The following POLRMT variants were observed in gnomAD, a reference collection of about 807,000 sequenced individuals.
POLRMT encodes the protein DNA-directed RNA polymerase, mitochondrial.
In POLRMT, 114 loss-of-function variants were observed where a neutral mutation model predicts 132.2. The observed-to-expected ratio is 0.86, with a 90% CI of 0.74 to 1.01. POLRMT has a LOEUF of 1.01. POLRMT is among the 50% of genes least tolerant of loss of function. The pLI is 0.00. For synonymous variants in POLRMT, 1,020 were observed against 773.4 expected, an observed-to-expected ratio of 1.32 and a Z score of -5.29; for missense variants, 2,003 against 1,729.1, an observed-to-expected ratio of 1.16 and a Z score of -2.81.
At chr19:628,071 C>T (rs928104164) in intron 3 of POLRMT, among the ~76,000 whole-genome samples, 3 of 152,000 alleles carry the variant, frequency 2.0e-5, no homozygotes, top group African/African-American at 4.8e-5. Flanking sequence ...AGGCTGAGCT[C>T]GCAGTCCAGC....
At chr19:620,337 C>T (rs1405729865) in intron 11 of POLRMT, 28 bp downstream of exon 11, 1 of 1,545,376 alleles carries the variant, frequency 6.5e-7, no homozygotes, top group Admixed American at 2.0e-5. Context: ...CACTGCACGG[C>T]CTCGGGGGCC....
chr19:619,973 G>C lies in POLRMT; in HGVS notation c.2871C>G (p.Ser957Arg). ...EPSDVPQDVY[S>R]GVAAQVEVFR... is the part of the protein sequence containing the mutation. ...CACACCCTACCTGCGCGGCCACGCC[G>C]CTGTACACGTCCTGCGGCACATCCG... Residue 957 changes from serine to arginine, a missense_variant, in exon 12 of 21, where the codon AGC (serine) becomes AGG (arginine). By Grantham distance (110) the Ser-to-Arg change is moderately radical (BLOSUM62 -1). Transcript: ENST00000588649. 1 of 1,598,172 alleles carries C rather than the reference G, an allele frequency of 6.3e-7. No homozygotes were observed. The highest frequency in any genetic ancestry group is 8.5e-7 in the Non-Finnish European group (1 of 1,176,488).
chr19:622,624 G>T lies in POLRMT; in HGVS notation c.1584C>A (p.Asn528Lys). 2 of 1,607,598 alleles carry T rather than the reference G, an allele frequency of 1.2e-6. No individual in the cohort carries two copies. Among genetic ancestry groups the T allele is most frequent in the Non-Finnish European group, 1.7e-6 (2 of 1,178,494 alleles). Reference sequence around the variant, plus strand: ...GCAAGCAGAGGTACTTCCTGTAGTGGTTCTGCAGCGCCTGCACCTGGCCAC... The same window carrying T: ...GCAAGCAGAGGTACTTCCTGTAGTGTTTCTGCAGCGCCTGCACCTGGCCAC... ...RVSGQVQALQ[N>K]HYRKYLCLLA... Residue 528 changes from asparagine (N) to lysine (K), a missense_variant, in exon 8 of 21, where the codon AAC becomes AAA. Physicochemically the swap from Asn to Lys is moderately conservative, Grantham distance 94 (BLOSUM62 0). Coordinates refer to ENST00000588649, the MANE Select transcript of POLRMT (RefSeq NM_005035.4).
rs753002965 is a variant in POLRMT at position 617,831 on chromosome 19, G to A, written c.3441C>T (p.Val1147=). 2.4e-5 allele frequency: 38 copies of A among 1,613,160 alleles called. No individual in the cohort carries two copies. The highest frequency in any genetic ancestry group is 2.8e-5 in the Non-Finnish European group (33 of 1,179,930). The change falls in exon 18 of 21, where the codon GTC becomes GTT. Residue 1147 remains valine (V), a synonymous_variant. Coordinates refer to ENST00000588649, the MANE Select transcript of POLRMT (RefSeq NM_005035.4). ...GAGTCCAGTAACAGTCGTGCACAGA[G>A]ACGAAGGTCAGGCCCTTCCTGTGGC... The part of the protein sequence containing the change: ...LHCYRKGLTF[V]SVHDCYWTHA...
chr19:621,661 C>T lies in POLRMT; in HGVS notation c.2037G>A (p.Gln679=), dbSNP rs763421577. 6 of 1,542,898 alleles carry T rather than the reference C, an allele frequency of 3.9e-6. No individual in the cohort carries two copies. The South Asian group carries it at 4.8e-5, about 12-fold the overall frequency. The change falls in exon 10 of 21, where the codon CAG becomes CAA. Residue 679 remains glutamine (Q), a synonymous_variant. Coordinates refer to ENST00000588649, the MANE Select transcript of POLRMT (RefSeq NM_005035.4). ...GGCAGGTTTCCAGCAGCTCCTGGTG[C>T]TGCGTGGCGCCTTCCACCGTGCGCA... is the stretch of plus-strand genomic sequence containing the variant. ...KLMRTVEGAT[Q]HQELLETCPP...
At position 623,556 on chromosome 19, in the gene POLRMT, C is replaced by A. The variant is rs377403729; in HGVS notation, c.1188G>T (p.Leu396=). 2 of 1,613,732 alleles carry A rather than the reference C, an allele frequency of 1.2e-6. No individual in the cohort carries two copies. The highest frequency in any genetic ancestry group is 1.7e-6 in the Non-Finnish European group (2 of 1,179,994). Reference sequence around the variant, plus strand: ...GGAGCTGCTTCTCAAAGAGGCACTGCAGGGTCTTCAAGGGCAGGTGCAGCT... The same window carrying A: ...GGAGCTGCTTCTCAAAGAGGCACTGAAGGGTCTTCAAGGGCAGGTGCAGCT... ...YPKLHLPLKT[L]QCLFEKQLHM... Residue 396 remains leucine (L), a synonymous_variant, in exon 6 of 21, where the codon CTG becomes CTT. Transcript: ENST00000588649.
Position 617,430 on chromosome 19 carries a change from ACCGCCTGC to A in POLRMT, c.3624_3631del (p.Gln1209AlafsTer?), listed in dbSNP as rs1187419776. ...GCCCACCCGCCTACCTGGCTTGGGC[ACCGCCTGC>A]AGTGTCTCCTTCAGCTGGCTGGCCT... is the stretch of plus-strand genomic sequence containing the variant. On this transcript the variant is annotated frameshift_variant, in exon 20 of 21. Coordinates refer to ENST00000588649, the MANE Select transcript of POLRMT (RefSeq NM_005035.4). LOFTEE classifies it high-confidence loss of function. 1.2e-6 allele frequency: 2 copies of A among 1,608,600 alleles called. No individual in the cohort carries two copies. The highest frequency in any genetic ancestry group is 1.7e-6 in the Non-Finnish European group (2 of 1,178,326).
intron 5 of POLRMT, among the ~76,000 whole-genome samples, chr19:623,997 G>C (rs77896264): frequency 6.6e-6 from 1 of 152,238 alleles, no homozygotes; most frequent in African/African-American, 2.4e-5. Context: ...AGCGCTTTGA[G>C]AATCAAAGAC....
Position 621,183 on chromosome 19 carries a change from C to T in POLRMT, c.2515G>A (p.Asp839Asn). Residue 839 changes from aspartate to asparagine, a missense_variant, in exon 10 of 21, where the codon GAT (aspartate) becomes AAT (asparagine). Asp to Asn is a conservative substitution (Grantham distance 23). Coordinates refer to ENST00000588649, the MANE Select transcript of POLRMT (RefSeq NM_005035.4). ...TTGACCAGGTGGATCTTGAGCCAATCCAGGCCGTGCGGGCCGAGCGGGCGG... is the reference window on the plus strand; with the variant it reads ...TTGACCAGGTGGATCTTGAGCCAATTCAGGCCGTGCGGGCCGAGCGGGCGG... ...QGRPLGPHGL[D>N]WLKIHLVNLT... 6.2e-7 allele frequency: 1 copy of T among 1,610,708 alleles called. No individual in the cohort carries two copies. The highest frequency in any genetic ancestry group is 8.5e-7 in the Non-Finnish European group (1 of 1,178,600).
rs138715064 is a variant in POLRMT, at chr19:617,470, T to G, written c.3592A>C (p.Ile1198Leu). Residue 1198 changes from isoleucine to leucine, a missense_variant, in exon 20 of 21, where the codon ATC (isoleucine) becomes CTC (leucine). Ile to Leu is a conservative substitution (Grantham distance 5, BLOSUM62 2). Transcript: ENST00000588649. ...VKRFCSEPQK[I>L]LEASQLKETL... ...TCCTTCAGCTGGCTGGCCTCCAAGA[T>G]CTTCTGGGGCCTGGGGTTGGAAGCA... The G allele has an allele frequency of 9.1e-5, 146 of 1,610,792 alleles. 1 individual carries two copies. The African/African-American group carries it at 1.7e-3, about 18-fold the overall frequency.
In POLRMT at chr19:629,616, T is replaced by C. The variant is rs1985258716; in HGVS notation, c.746A>G (p.His249Arg). Residue 249 changes from histidine (H) to arginine (R), a missense_variant, in exon 3 of 21, where the codon CAC becomes CGC. Coordinates refer to ENST00000588649, the MANE Select transcript of POLRMT (RefSeq NM_005035.4). ...LPLAHHLLVV[H>R]HGQRQKRKLL... ...CTTCCGCTTCTGCCGCTGGCCGTGG[T>C]GGACGACCAGCAGGTGGTGGGCGAG... is the stretch of plus-strand genomic sequence containing the variant. 1 of 1,607,978 alleles carries C rather than the reference T, an allele frequency of 6.2e-7. No homozygotes were observed. The highest frequency in any genetic ancestry group is 8.5e-7 in the Non-Finnish European group (1 of 1,178,484).
chr19:627,700 G>A lies in POLRMT; in HGVS notation c.822+1840C>T, dbSNP rs1027730917. On this transcript the variant is annotated intron_variant, in intron 3 of 20. Coordinates refer to ENST00000588649, the MANE Select transcript of POLRMT (RefSeq NM_005035.4). ...AGCACTTAGGGAGGCTGAGGCGGGC[G>A]GATTACCTGAGGTCAGGAGTTTGAG... is the stretch of plus-strand genomic sequence containing the variant. Among the ~76,000 whole-genome samples the A allele has an allele frequency of 2.6e-4, 39 of 151,012 alleles. 1 individual carries two copies. The highest frequency in any genetic ancestry group is 1.8e-3 in the Admixed American group (28 of 15,186).
rs745785681 is a variant in POLRMT, at chr19:629,823, C to T, written c.539G>A (p.Arg180His). The T allele has an allele frequency of 6.9e-6, 11 of 1,596,150 alleles. No homozygotes were observed. The highest frequency in any genetic ancestry group is 6.7e-5 in the East Asian group (3 of 44,650). ...CTCCCAGGGGCTCTCGGGGGCCTGG[C>T]GCGTGCAGTCCTCCAGGCACCCGGC... ...QMAGCLEDCTRQAPESPWEEQ... is the reference protein window; with the variant it reads ...QMAGCLEDCTHQAPESPWEEQ... The change falls in exon 3 of 21, where the codon CGC becomes CAC. Residue 180 changes from arginine to histidine, a missense_variant. By Grantham distance (29) the Arg-to-His change is conservative (BLOSUM62 0). Transcript: ENST00000588649.
intron 3 of POLRMT, among the ~76,000 whole-genome samples, chr19:628,683 A>C (rs534244190): frequency 3.3e-5 from 5 of 152,182 alleles, no homozygotes; most frequent in East Asian, 3.9e-4. Context: ...TGTGTAAACA[A>C]CACCCTCCAA....
chr19:618,905 CTG>C (rs1420117663), intron 15 of POLRMT, 90 bp downstream of exon 15: 59 of 1,357,056 alleles, frequency 4.3e-5, no homozygotes, highest in South Asian at 3.7e-4. Context: ...CGGTGGTACA[CTG>C]GGGTGGTGGT....
chr19:619,333 G>A (rs201045597), intron 13 of POLRMT, 37 bp from the exon 14 acceptor site: 47 of 1,593,330 alleles, frequency 2.9e-5, no homozygotes, highest in Non-Finnish European at 3.6e-5. Context: ...GTCCTCAGGG[G>A]CTGGCCCGTT....
chr19:620,740 G>A (rs530802224), intron 10 of POLRMT, among the ~76,000 whole-genome samples: 1 of 142,510 alleles, frequency 7.0e-6, no homozygotes, highest in South Asian at 2.4e-4. Context: ...GGTGGACAGA[G>A]GACCTGGGGG....
In POLRMT at chr19:629,978, C is replaced by G. The variant is rs910178667; in HGVS notation, c.384G>C (p.Lys128Asn). Residue 128 changes from lysine (K) to asparagine (N), a missense_variant, in exon 3 of 21, where the codon AAG becomes AAC. Lys to Asn is a moderately conservative substitution (Grantham distance 94). Transcript: ENST00000588649. Reference sequence around the variant, plus strand: ...TACGCATCTGCTGGGTCCGCTTATCCTTCTCCAGTATCTTTGCCCAGCGGC... The same window carrying G: ...TACGCATCTGCTGGGTCCGCTTATCGTTCTCCAGTATCTTTGCCCAGCGGC... ...PCGRWAKILE[K>N]DKRTQQMRMQ... The G allele has an allele frequency of 1.1e-5, 17 of 1,613,860 alleles. No individual in the cohort carries two copies. The highest frequency in any genetic ancestry group is 1.4e-5 in the Non-Finnish European group (17 of 1,180,028).
intron 5 of POLRMT, among the ~76,000 whole-genome samples, chr19:624,094 C>T (rs973781441): frequency 7.2e-5 from 11 of 152,356 alleles, no homozygotes; most frequent in Admixed American, 3.3e-4. Context: ...GTCCCATAAA[C>T]GGACGAACAG....
Sources: gnomAD v4.1 joint callset for allele counts (sites outside exome capture counted in the v4.1 genomes callset) on GRCh38, gnomAD v4.1.1 for gene constraint, MANE v1.5 for transcripts, NCBI Gene and HGNC (gene_info 2026-07-23, HGNC 2026-07-21) for gene names.